QTMAN: variants seen among roughly 807,000 people sequenced by gnomAD.
The protein encoded by QTMAN is queuosine-tRNA mannosyltransferase.
chr2:144,157,089 A>G, the QTMAN span, among the ~76,000 whole-genome samples: 19 of 152,238 alleles, frequency 1.2e-4, no homozygotes, highest in African/African-American at 3.8e-4. Flanking sequence ...AGACGTTTCA[A>G]TGAAAATGCT....
chr2:144,158,129 A>T, the QTMAN span, among the ~76,000 whole-genome samples: 1 of 152,034 alleles, frequency 6.6e-6, no homozygotes, highest in Non-Finnish European at 1.5e-5. Flanking sequence ...ACATTCTAGT[A>T]ACTTTTTTAT....
At chr2:144,259,172 G>GC in the QTMAN span, among the ~76,000 whole-genome samples, 1 of 152,042 alleles carries the variant, frequency 6.6e-6, no homozygotes, top group Non-Finnish European at 1.5e-5. Context: ...TTTGTATTTT[G>GC]TTTTGAGACA....
At chr2:144,188,336 AAC>A in the QTMAN span, among the ~76,000 whole-genome samples, 1 of 152,200 alleles carries the variant, frequency 6.6e-6, no homozygotes, top group African/African-American at 2.4e-5. Context: ...AACGGGATAA[AAC>A]ACAGACTACA....
the QTMAN span, among the ~76,000 whole-genome samples, chr2:144,256,230 C>A: frequency 1.3e-5 from 2 of 152,134 alleles, no homozygotes; most frequent in African/African-American, 4.8e-5. Flanking sequence ...AGAAATTCGA[C>A]AGGCTTCCCA....
At chr2:144,098,125 G>A in the QTMAN span, among the ~76,000 whole-genome samples, 1 of 152,192 alleles carries the variant, frequency 6.6e-6, no homozygotes, top group Non-Finnish European at 1.5e-5. Context: ...TTGACAATGA[G>A]TTTCTACACT....
the QTMAN span, among the ~76,000 whole-genome samples, chr2:143,976,641 G>A: frequency 2.0e-5 from 3 of 152,172 alleles, no homozygotes; most frequent in Non-Finnish European, 2.9e-5. Flanking sequence ...TACTTCCCAC[G>A]TGGTGTGTCA....
At chr2:144,112,117 A>T in the QTMAN span, among the ~76,000 whole-genome samples, 2 of 152,230 alleles carry the variant, frequency 1.3e-5, no homozygotes, top group Non-Finnish European at 2.9e-5. Context: ...AATAATCCCT[A>T]GGATTCTTGC....
the QTMAN span, among the ~76,000 whole-genome samples, chr2:144,007,798 G>C: frequency 6.6e-6 from 1 of 151,998 alleles, no homozygotes; most frequent in African/African-American, 2.4e-5. Context: ...TAAAACATAA[G>C]ATTACAGAGA....
the QTMAN span, among the ~76,000 whole-genome samples, chr2:144,120,433 T>C: frequency 6.6e-6 from 1 of 152,214 alleles, no homozygotes; most frequent in Non-Finnish European, 1.5e-5. Context: ...ATCCAAGTTA[T>C]AGTTTTGGAT....
chr2:144,159,335 C>T, the QTMAN span, among the ~76,000 whole-genome samples: 1 of 152,018 alleles, frequency 6.6e-6, no homozygotes, highest in Non-Finnish European at 1.5e-5. Flanking sequence ...AACGGTCCCC[C>T]ATATTTTCAA....
At chr2:143,943,605 A>T in the QTMAN span, 1 of 152,226 alleles carries the variant, frequency 6.6e-6, no homozygotes, top group Non-Finnish European at 1.5e-5. Context: ...TATCAAATAT[A>T]ATTAACACCT....
chr2:144,221,644 T>G, the QTMAN span, among the ~76,000 whole-genome samples: 1 of 152,334 alleles, frequency 6.6e-6, no homozygotes, highest in African/African-American at 2.4e-5. Context: ...ACAACATTTT[T>G]CTTAACTTTA....
chr2:144,016,232 G>A, the QTMAN span, among the ~76,000 whole-genome samples: 1 of 152,126 alleles, frequency 6.6e-6, no homozygotes, highest in Non-Finnish European at 1.5e-5. Context: ...CCCCCAAATT[G>A]TAAATTACCC....
chr2:144,210,059 C>CG, the QTMAN span, among the ~76,000 whole-genome samples: 861 of 29,980 alleles, frequency 0.029, no homozygotes, highest in East Asian at 0.11. Flanking sequence ...ATTATGTGGG[C>CG]GGGGGGGGGC....
the QTMAN span, among the ~76,000 whole-genome samples, chr2:144,262,983 G>T: frequency 9.9e-6 from 1 of 101,074 alleles, no homozygotes; most frequent in South Asian, 4.8e-4. Context: ...GGAGGAGAGG[G>T]GAGGGGAGGG....
chr2:144,039,627 T>C, the QTMAN span, among the ~76,000 whole-genome samples: 1 of 152,164 alleles, frequency 6.6e-6, no homozygotes, highest in Non-Finnish European at 1.5e-5. Flanking sequence ...GAACATGCCA[T>C]TCACTTAGGG....
the QTMAN span, among the ~76,000 whole-genome samples, chr2:144,088,482 T>C: frequency 6.6e-6 from 1 of 152,038 alleles, no homozygotes; most frequent in East Asian, 1.9e-4. Context: ...TCTAAATTTA[T>C]ATGGAACTAA....
At chr2:143,949,660 T>C in the QTMAN span, among the ~76,000 whole-genome samples, 3 of 151,842 alleles carry the variant, frequency 2.0e-5, no homozygotes, top group African/African-American at 7.2e-5. Context: ...CAACATTCTT[T>C]TCACAGTACT....
At chr2:144,294,104 C>T in the QTMAN span, among the ~76,000 whole-genome samples, 1 of 152,320 alleles carries the variant, frequency 6.6e-6, no homozygotes, top group South Asian at 2.1e-4. Context: ...TAATTCCTCC[C>T]ATTTCCACCA....
Sources: gnomAD v4.1 joint callset for allele counts (sites outside exome capture counted in the v4.1 genomes callset) on GRCh38, gnomAD v4.1.1 for gene constraint, MANE v1.5 for transcripts, NCBI Gene and HGNC (gene_info 2026-07-23, HGNC 2026-07-21) for gene names.